Variants in FRMPD2 observed in about 807,000 individuals in gnomAD.
FRMPD2 encodes the protein FERM and PDZ domain-containing protein 2.
A neutral mutation model predicts 140.1 loss-of-function variants in FRMPD2; 96 were observed. The ratio of observed to expected loss-of-function variants is 0.69; its 90% CI spans 0.58 to 0.81. The LOEUF is 0.81. Among genes scored for constraint, FRMPD2 ranks in the 40% least tolerant of loss-of-function variants. The probability of loss-of-function intolerance (pLI) is 0.00; values close to 1 mark genes in which losing one functional copy is unlikely to be tolerated. For synonymous variants in FRMPD2, 449 were observed against 547.6 expected (o/e 0.82, Z 2.52); for missense variants, 1,240 against 1,447.4 (o/e 0.86, Z 2.32).
intron 2 of FRMPD2, among the ~76,000 whole-genome samples, chr10:48,251,268 C>T (rs900664653): frequency 6.6e-6 from 1 of 152,204 alleles, no homozygotes; most frequent in Non-Finnish European, 1.5e-5. Flanking sequence ...CTAAATCCTC[C>T]CAGCTTTGCA....
At chr10:48,240,187 G>C in intron 6 of FRMPD2, among the ~76,000 whole-genome samples, 173 bp downstream of exon 6, 1 of 152,200 alleles carries the variant, frequency 6.6e-6, no homozygotes, top group Non-Finnish European at 1.5e-5. Flanking sequence ...ACTTTCCTGG[G>C]AACACAGGTG....
chr10:48,257,699 T>A (rs978158769), intron 1 of FRMPD2, among the ~76,000 whole-genome samples: 5 of 152,148 alleles, frequency 3.3e-5, no homozygotes, highest in Admixed American at 3.3e-4. Context: ...AATTCTTAGC[T>A]CCTTGACCCT....
chr10:48,266,055 G>A (rs1290882458), intron 1 of FRMPD2, among the ~76,000 whole-genome samples: 2 of 152,176 alleles, frequency 1.3e-5, no homozygotes, highest in Admixed American at 1.3e-4. Context: ...ATGAGATAAT[G>A]CCCCTTTCAG....
At chr10:48,184,208 A>G (rs1350061716) in intron 20 of FRMPD2, among the ~76,000 whole-genome samples, 1 of 152,180 alleles carries the variant, frequency 6.6e-6, no homozygotes, top group Non-Finnish European at 1.5e-5. Context: ...TCTATACAAA[A>G]TATAGAAATC....
At chr10:48,230,947 A>G (rs1310642936) in intron 10 of FRMPD2, among the ~76,000 whole-genome samples, 4 of 152,114 alleles carry the variant, frequency 2.6e-5, no homozygotes, top group Non-Finnish European at 5.9e-5. Context: ...GACAACCAAC[A>G]CCTATGAAAC....
At chr10:48,270,961 C>T (rs1333436421) in intron 1 of FRMPD2, among the ~76,000 whole-genome samples, 2 of 152,212 alleles carry the variant, frequency 1.3e-5, no homozygotes, top group African/African-American at 2.4e-5. Context: ...TGGTTTCCTA[C>T]AACCATACCT....
intron 9 of FRMPD2, among the ~76,000 whole-genome samples, chr10:48,232,865 CCCA>C (rs1381676733): frequency 6.6e-6 from 1 of 152,192 alleles, no homozygotes; most frequent in Non-Finnish European, 1.5e-5. Context: ...CTCTTCATCT[CCCA>C]CCACAGCCCC....
intron 1 of FRMPD2, among the ~76,000 whole-genome samples, chr10:48,254,999 T>C (rs188450816): frequency 6.6e-6 from 1 of 152,306 alleles, no homozygotes; most frequent in East Asian, 1.9e-4. Flanking sequence ...AAGGGGATCA[T>C]TAACTATGTA....
rs1839868374 is a variant in FRMPD2 at position 48,232,243 on chromosome 10, A to G, written c.1040T>C (p.Val347Ala). The change falls in exon 10 of 29, where the codon GTC becomes GCC. Residue 347 changes from valine to alanine, a missense_variant. Val to Ala is a moderately conservative substitution (Grantham distance 64, BLOSUM62 0). Around this residue, in one of 6 missense-constraint regions of FRMPD2, gnomAD observed 1,161 missense variants for 1,055.9 expected, o/e 1.10. Coordinates refer to ENST00000374201, the MANE Select transcript of FRMPD2 (RefSeq NM_001018071.4). ...SYLALRDLCV[V>A]LLNGQHLEVK... ...CTCCAGGTGCTGCCCGTTCAGCAGG[A>G]CCACACAGAGGTCCCTGAGAGCCAA... 6.2e-7 allele frequency: 1 copy of G among 1,614,138 alleles called. No homozygotes were observed. Among genetic ancestry groups the G allele is most frequent in the Non-Finnish European group, 8.5e-7 (1 of 1,180,004 alleles).
chr10:48,187,196 A>G lies in FRMPD2; in HGVS notation c.2262T>C (p.His754=), dbSNP rs912037588. The G allele has an allele frequency of 3.7e-6, 6 of 1,613,082 alleles. No individual in the cohort carries two copies. Among genetic ancestry groups the G allele is most frequent in the Middle Eastern group, 3.3e-4 (2 of 6,058 alleles). The change falls in exon 17 of 29, where the codon CAT becomes CAC. Residue 754 remains histidine (H), a synonymous_variant. Transcript: ENST00000374201. ...SLSGPPVQSM[H]AGSKNNRRKS... ...TGGTCGTGGCCTGGCCCATACCTGC[A>G]TGCATGCTCTGAACAGGTGGTCCAG...
intron 1 of FRMPD2, among the ~76,000 whole-genome samples, chr10:48,271,979 G>A (rs574349820): frequency 6.6e-6 from 1 of 152,294 alleles, no homozygotes; most frequent in East Asian, 1.9e-4. Context: ...GAGAGGGCAG[G>A]GAATAGGCTA....
chr10:48,239,454 TG>T, intron 7 of FRMPD2, 150 bp downstream of exon 7: 1 of 551,202 alleles, frequency 1.8e-6, no homozygotes, highest in South Asian at 2.9e-5. Context: ...TGCTTAAATG[TG>T]GCTTCTTCAT....
chr10:48,228,007 T>G (rs961622447), intron 10 of FRMPD2, among the ~76,000 whole-genome samples: 30 of 152,152 alleles, frequency 2.0e-4, no homozygotes, highest in Non-Finnish European at 8.8e-5. Context: ...ATTGTAAATG[T>G]AACCTAAGAA....
chr10:48,208,237 A>T (rs1321135042), intron 13 of FRMPD2, among the ~76,000 whole-genome samples: 2 of 152,240 alleles, frequency 1.3e-5, no homozygotes, highest in African/African-American at 4.8e-5. Flanking sequence ...TTTAAAAATT[A>T]AGCATTAATA....
At chr10:48,217,349 A>G (rs1191447407) in intron 12 of FRMPD2, among the ~76,000 whole-genome samples, 1 of 152,174 alleles carries the variant, frequency 6.6e-6, no homozygotes. Context: ...ATCATCCCAC[A>G]TGATGACAAA....
intron 13 of FRMPD2, among the ~76,000 whole-genome samples, chr10:48,211,612 G>A (rs1169865908): frequency 6.6e-6 from 1 of 152,038 alleles, no homozygotes; most frequent in African/African-American, 2.4e-5. Flanking sequence ...GGAAAACCCT[G>A]TCTCTACTAA....
intron 20 of FRMPD2, among the ~76,000 whole-genome samples, 199 bp downstream of exon 20, chr10:48,184,367 G>A (rs1436081170): frequency 1.3e-5 from 2 of 152,120 alleles, no homozygotes; most frequent in Non-Finnish European, 2.9e-5. Flanking sequence ...AGCAAGACAA[G>A]CATGGTAACG....
At chr10:48,273,023 T>A (rs78866100) in intron 1 of FRMPD2, among the ~76,000 whole-genome samples, 1 of 152,226 alleles carries the variant, frequency 6.6e-6, no homozygotes, top group Non-Finnish European at 1.5e-5. Flanking sequence ...AATGGCTATA[T>A]AGAATTTGTA....
At chr10:48,191,545 T>A (rs954739514) in intron 16 of FRMPD2, among the ~76,000 whole-genome samples, 4 of 152,144 alleles carry the variant, frequency 2.6e-5, no homozygotes, top group Non-Finnish European at 5.9e-5. Context: ...TGCACGGCAA[T>A]GTACATTTGC....
Sources: gnomAD v4.1 joint callset for allele counts (sites outside exome capture counted in the v4.1 genomes callset) on GRCh38, gnomAD v4.1.1 for gene constraint, gnomAD v4.1.1 regional missense constraint, MANE v1.5 for transcripts, NCBI Gene and HGNC (gene_info 2026-07-23, HGNC 2026-07-21) for gene names.